Variants in CDH6 observed in about 807,000 individuals in gnomAD.
CDH6 encodes cadherin 6, also known as cadherin-6.
In CDH6, 31 loss-of-function variants were observed where a neutral mutation model predicts 78.0. That is an observed-to-expected ratio of 0.40 (90% CI 0.30 to 0.54). The LOEUF is 0.54. Among genes scored for constraint, CDH6 ranks in the 20% least tolerant of loss-of-function variants. CDH6 has a pLI of 0.56. For synonymous variants in CDH6, 376 were observed against 368.8 expected (o/e 1.02, Z -0.23); for missense variants, 724 against 975.9 (o/e 0.74, Z 3.44).
chr5:31,207,759 GGTTA>G (rs1561023329), intron 1 of CDH6, among the ~76,000 whole-genome samples: 1 of 152,170 alleles, frequency 6.6e-6, no homozygotes, highest in African/African-American at 2.4e-5. Context: ...TTGTGTTGGA[GGTTA>G]GTTTTCTTTT....
At chr5:31,316,166 C>T (rs1215124135) in intron 8 of CDH6, 42 bp from the exon 9 acceptor site, 3 of 1,580,838 alleles carry the variant, frequency 1.9e-6, no homozygotes, top group South Asian at 2.4e-5. Context: ...AATCGGCAAT[C>T]AACATGTAAA....
chr5:31,226,338 C>A (rs1330195535), intron 1 of CDH6, among the ~76,000 whole-genome samples: 4 of 152,064 alleles, frequency 2.6e-5, no homozygotes, highest in Non-Finnish European at 2.9e-5. Context: ...CCACGCCCAG[C>A]TAATTTTTGT....
At chr5:31,270,630 G>A (rs1054095310) in intron 2 of CDH6, among the ~76,000 whole-genome samples, 5 of 152,122 alleles carry the variant, frequency 3.3e-5, no homozygotes, top group African/African-American at 1.2e-4. Context: ...CTAGTAATTC[G>A]CAAGGGGTCT....
At chr5:31,317,962 G>A (rs1227928754) in intron 11 of CDH6, 38 bp downstream of exon 11, 2 of 1,604,592 alleles carry the variant, frequency 1.2e-6, no homozygotes, top group Non-Finnish European at 8.5e-7. Flanking sequence ...TCCCCATGGT[G>A]AGGGGCTCAC....
At chr5:31,253,951 C>G (rs1741982710) in intron 1 of CDH6, among the ~76,000 whole-genome samples, 1 of 152,046 alleles carries the variant, frequency 6.6e-6, no homozygotes, top group South Asian at 2.1e-4. Flanking sequence ...TTTCTCTTTC[C>G]ATGGCTTCAG....
At position 31,294,404 on chromosome 5, in the gene CDH6, T is replaced by C; in HGVS notation, c.523+148T>C. 1.5e-6 allele frequency: 1 copy of C among 646,618 alleles called. No individual in the cohort carries two copies. The highest frequency in any genetic ancestry group is 2.6e-5 in the East Asian group (1 of 37,800). The allele number at this position is 646,618 out of a possible 1,614,324, so 40.1% of individuals were successfully genotyped here. A position where few individuals can be genotyped will look rare whatever the true frequency, so the allele number is the denominator to read the frequency against. Reference sequence around the variant, plus strand: ...TATGTCCTTTCTGTAAGTGCATATGTTTCCTAATATTACTCTAGTCTCATT... The same window carrying C: ...TATGTCCTTTCTGTAAGTGCATATGCTTCCTAATATTACTCTAGTCTCATT... On this transcript the variant is annotated intron_variant, in intron 3 of 11. Coordinates refer to ENST00000265071, the MANE Select transcript of CDH6 (RefSeq NM_004932.4). This position sits in a 1 kb window ranked among gnomAD's most constrained non-coding sequence, Gnocchi z 4.1.
At chr5:31,234,672 T>C (rs1368642440) in intron 1 of CDH6, among the ~76,000 whole-genome samples, 1 of 152,202 alleles carries the variant, frequency 6.6e-6, no homozygotes, top group Non-Finnish European at 1.5e-5. Flanking sequence ...CCACAAGTAT[T>C]TCATCAGTTT....
chr5:31,222,047 A>G (rs1230585940), intron 1 of CDH6, among the ~76,000 whole-genome samples: 2 of 152,214 alleles, frequency 1.3e-5, no homozygotes, highest in African/African-American at 2.4e-5. Flanking sequence ...AACATTTTCA[A>G]TGCAACTATA....
At chr5:31,313,767 C>G (rs1420791852) in intron 8 of CDH6, among the ~76,000 whole-genome samples, 1 of 148,484 alleles carries the variant, frequency 6.7e-6, no homozygotes, top group African/African-American at 2.4e-5. Flanking sequence ...ACATAAACAG[C>G]TGAAAAAAAC....
intron 1 of CDH6, among the ~76,000 whole-genome samples, chr5:31,217,352 GA>G (rs1057083466): frequency 6.6e-5 from 10 of 152,068 alleles, no homozygotes; most frequent in African/African-American, 2.4e-4. Context: ...TTCAAAAAAA[GA>G]AATTTTCTAC....
intron 11 of CDH6, chr5:31,318,918 C>A: frequency 4.5e-6 from 1 of 224,626 alleles, no homozygotes; most frequent in Middle Eastern, 1.4e-3. Flanking sequence ...CACATCAACC[C>A]TGCTAACTAT....
Position 31,329,125 on chromosome 5 carries a change from TAATA to T in CDH6, c.*5820_*5823del. ...AACAAGTTATTTATATGATATTACT[TAATA>T]AACTGGTTTTTTTCTAACTTGCTTT... On this transcript the variant is annotated 3_prime_UTR_variant, in exon 12 of 12. Coordinates refer to ENST00000265071, the MANE Select transcript of CDH6 (RefSeq NM_004932.4). 1 of 191,226 alleles carries T rather than the reference TAATA, an allele frequency of 5.2e-6. No homozygotes were observed. Among genetic ancestry groups the T allele is most frequent in the Non-Finnish European group, 1.1e-5 (1 of 91,332 alleles). The allele number at this position is 191,226 out of a possible 1,614,324, so 11.8% of individuals were successfully genotyped here. A position where few individuals can be genotyped will look rare whatever the true frequency, so the allele number is the denominator to read the frequency against.
At chr5:31,201,569 G>A (rs1340008460) in intron 1 of CDH6, among the ~76,000 whole-genome samples, 1 of 152,124 alleles carries the variant, frequency 6.6e-6, no homozygotes, top group Non-Finnish European at 1.5e-5. Flanking sequence ...ATGGAAATAT[G>A]GGGAAAGATT....
At chr5:31,282,095 T>A (rs1489023231) in intron 2 of CDH6, among the ~76,000 whole-genome samples, 1 of 152,220 alleles carries the variant, frequency 6.6e-6, no homozygotes, top group African/African-American at 2.4e-5. Flanking sequence ...TCAGTTCACG[T>A]TGAATTTCAG....
intron 1 of CDH6, among the ~76,000 whole-genome samples, chr5:31,222,625 T>C (rs990096664): frequency 1.3e-5 from 2 of 152,182 alleles, no homozygotes; most frequent in Non-Finnish European, 2.9e-5. Context: ...ATCCTCTTAA[T>C]ATCTATAAAA....
Position 31,289,602 on chromosome 5 carries a change from G to A in CDH6, c.229-4360G>A, listed in dbSNP as rs531193847. Among the ~76,000 whole-genome samples, 18 of 152,296 alleles carry A rather than the reference G, an allele frequency of 1.2e-4. No individual in the cohort carries two copies. The South Asian group carries it at 2.3e-3, about 19-fold the overall frequency. On this transcript the variant is annotated intron_variant, in intron 2 of 11. Coordinates refer to ENST00000265071, the MANE Select transcript of CDH6 (RefSeq NM_004932.4). ...ATTTACCTTCCCACCAACAGTGTAT[G>A]AGAGTTCCCGTTTCTCCACACCCTC...
intron 11 of CDH6, 136 bp downstream of exon 11, chr5:31,318,060 C>T: frequency 4.8e-6 from 5 of 1,045,724 alleles, no homozygotes; most frequent in Non-Finnish European, 5.9e-6. Context: ...TACTGAGAAT[C>T]TGTGCTGTAC....
chr5:31,323,416 A>C lies in CDH6; in HGVS notation c.*108A>C. 1.5e-6 allele frequency: 2 copies of C among 1,295,478 alleles called. No homozygotes were observed. The highest frequency in any genetic ancestry group is 1.5e-5 in the African/African-American group (1 of 67,430). 80.2% of individuals were successfully genotyped at this position (1,295,478 alleles called of 1,614,324 possible). On this transcript the variant is annotated 3_prime_UTR_variant, in exon 12 of 12. Coordinates refer to ENST00000265071, the MANE Select transcript of CDH6 (RefSeq NM_004932.4). ...GGCTTCTCTGTTCTACCCGTTCCAAAAGCCAATGGCTGCAGTCCGTGTGGA... is the reference window on the plus strand; with the variant it reads ...GGCTTCTCTGTTCTACCCGTTCCAACAGCCAATGGCTGCAGTCCGTGTGGA...
At chr5:31,312,945 G>GCACGCA (rs1738197968) in intron 7 of CDH6, among the ~76,000 whole-genome samples, 2 of 149,202 alleles carry the variant, frequency 1.3e-5, no homozygotes, top group African/African-American at 5.0e-5. Flanking sequence ...ATGCATACAA[G>GCACGCA]CACACACACA....
Sources: gnomAD v4.1 joint callset for allele counts (sites outside exome capture counted in the v4.1 genomes callset) on GRCh38, gnomAD v4.1.1 for gene constraint, Gnocchi (gnomAD v3.1) non-coding constraint, MANE v1.5 for transcripts, NCBI Gene and HGNC (gene_info 2026-07-23, HGNC 2026-07-21) for gene names.